Variants in SHOC2 observed in about 807,000 individuals in gnomAD.
SHOC2 encodes the protein SHOC2 leucine rich repeat scaffold protein, also known as leucine-rich repeat protein SHOC-2.
Under a neutral mutation model 50.2 loss-of-function variants are expected in SHOC2, and 4 were observed. The ratio of observed to expected loss-of-function variants is 0.08; its 90% CI spans 0.04 to 0.18. The LOEUF is 0.18. Among genes scored for constraint, SHOC2 ranks in the 10% least tolerant of loss-of-function variants. The pLI is 1.00. For missense variants in SHOC2, 388 were observed against 669.6 expected (o/e 0.58, Z 4.64); for synonymous variants, 218 against 244.5 (o/e 0.89, Z 1.01).
At chr10:110,982,683 G>A (rs1848005624) in intron 2 of SHOC2, among the ~76,000 whole-genome samples, 2 of 151,886 alleles carry the variant, frequency 1.3e-5, no homozygotes, top group Non-Finnish European at 2.9e-5. Flanking sequence ...CATGTCCTTT[G>A]CCCACTTTTT....
At chr10:110,925,479 G>A (rs1846751717) in intron 1 of SHOC2, among the ~76,000 whole-genome samples, 1 of 152,044 alleles carries the variant, frequency 6.6e-6, no homozygotes, top group Admixed American at 6.6e-5. Flanking sequence ...TTTCAAGACA[G>A]GGTCTCGCTC....
intron 1 of SHOC2, among the ~76,000 whole-genome samples, chr10:110,949,191 A>G (rs2134101043): frequency 6.6e-6 from 1 of 152,288 alleles, no homozygotes; most frequent in East Asian, 1.9e-4. Flanking sequence ...AAGAAACTGA[A>G]CTGACAAATC....
At position 110,942,115 on chromosome 10, in the gene SHOC2, C is replaced by T. The variant is rs1438615566; in HGVS notation, c.-234-22010C>T. Among the ~76,000 whole-genome samples, 5 of 120,448 alleles carry T rather than the reference C, an allele frequency of 4.2e-5. No individual in the cohort carries two copies. In the Admixed American group the frequency reaches 4.9e-4, roughly 12 times the overall value. 79.0% of individuals were successfully genotyped at this position (120,448 alleles called of 152,430 possible). On this transcript the variant is annotated intron_variant, in intron 1 of 8. Transcript: ENST00000369452. Reference sequence around the variant, plus strand: ...TCTTTACCCACGTGTGATTTTGATTCATCATACATTGGTCTTCTGGCTCTT... The same window carrying T: ...TCTTTACCCACGTGTGATTTTGATTTATCATACATTGGTCTTCTGGCTCTT...
At chr10:110,978,938 G>C (rs1444822732) in intron 2 of SHOC2, among the ~76,000 whole-genome samples, 1 of 152,206 alleles carries the variant, frequency 6.6e-6, no homozygotes, top group Non-Finnish European at 1.5e-5. Flanking sequence ...TAAATCTCAT[G>C]TGATTGCTGT....
chr10:110,931,617 T>C (rs1244775452), intron 1 of SHOC2, among the ~76,000 whole-genome samples: 2 of 152,104 alleles, frequency 1.3e-5, no homozygotes, highest in Non-Finnish European at 2.9e-5. Context: ...TAATTTTAAG[T>C]AGGATATAGG....
At chr10:110,983,202 A>C (rs1848015317) in intron 2 of SHOC2, among the ~76,000 whole-genome samples, 1 of 152,082 alleles carries the variant, frequency 6.6e-6, no homozygotes, top group Non-Finnish European at 1.5e-5. Context: ...TATTTGAAAT[A>C]TGTGCCTTCT....
chr10:110,940,910 G>GGTTTTTTTTTTTTTTTTTTTTTT (rs1564705752), intron 1 of SHOC2, among the ~76,000 whole-genome samples: 2 of 119,504 alleles, frequency 1.7e-5, no homozygotes, highest in African/African-American at 6.4e-5. Flanking sequence ...TTTGTGGTGG[G>GGTTTTTTTTTTTTTTTTTTTTTT]TTTTTTTTTT....
chr10:110,929,151 A>G (rs998910726), intron 1 of SHOC2, among the ~76,000 whole-genome samples: 2 of 152,214 alleles, frequency 1.3e-5, no homozygotes, highest in Admixed American at 6.5e-5. Context: ...TCATATTCAA[A>G]TTCTTTGAAA....
intron 3 of SHOC2, among the ~76,000 whole-genome samples, chr10:110,998,321 A>G (rs1848306453): frequency 6.6e-6 from 1 of 151,900 alleles, no homozygotes; most frequent in African/African-American, 2.4e-5. Context: ...AGCAATAGTG[A>G]ATATTCTCGT....
chr10:110,988,495 A>G (rs946575844), intron 3 of SHOC2, among the ~76,000 whole-genome samples: 1 of 152,264 alleles, frequency 6.6e-6, no homozygotes, highest in East Asian at 1.9e-4. Flanking sequence ...TAAGTTGTTC[A>G]TAACATTCTT....
intron 1 of SHOC2, among the ~76,000 whole-genome samples, chr10:110,934,959 T>G (rs1393893152): frequency 9.2e-5 from 14 of 152,230 alleles, no homozygotes; most frequent in Non-Finnish European, 1.8e-4. Flanking sequence ...CTACCCAGTT[T>G]CTGCTCCTGG....
chr10:111,007,729 A>G, intron 6 of SHOC2, 76 bp downstream of exon 6: 2 of 1,425,242 alleles, frequency 1.4e-6, no homozygotes, highest in Non-Finnish European at 2.0e-6. Flanking sequence ...AATTTAAATA[A>G]GCAATTTCTA....
At chr10:110,952,568 T>C (rs1484707084) in intron 1 of SHOC2, among the ~76,000 whole-genome samples, 1 of 152,092 alleles carries the variant, frequency 6.6e-6, no homozygotes, top group Non-Finnish European at 1.5e-5. Context: ...TAAGTTTACT[T>C]TAAGTTCCAG....
At position 110,932,202 on chromosome 10, in the gene SHOC2, A is replaced by G. The variant is rs1003593676; in HGVS notation, c.-235+12545A>G. Among the ~76,000 whole-genome samples, 7 of 152,356 alleles carry G rather than the reference A, an allele frequency of 4.6e-5. No homozygotes were observed. The East Asian group carries it at 9.6e-4, about 21-fold the overall frequency. On this transcript the variant is annotated intron_variant, in intron 1 of 8. Coordinates refer to ENST00000369452, the MANE Select transcript of SHOC2 (RefSeq NM_007373.4). Reference sequence around the variant, plus strand: ...GGATGTGAAAGAAGTTCATGTGACCATAGTGCAAGATGGGAAGTATTAGAG... The same window carrying G: ...GGATGTGAAAGAAGTTCATGTGACCGTAGTGCAAGATGGGAAGTATTAGAG...
intron 1 of SHOC2, among the ~76,000 whole-genome samples, chr10:110,931,399 G>A (rs1846894047): frequency 6.6e-6 from 1 of 151,996 alleles, no homozygotes; most frequent in Non-Finnish European, 1.5e-5. Flanking sequence ...CTCATTCTTT[G>A]GACCAATCTT....
At chr10:110,922,886 A>G (rs1362897827) in intron 1 of SHOC2, among the ~76,000 whole-genome samples, 1 of 152,106 alleles carries the variant, frequency 6.6e-6, no homozygotes, top group Non-Finnish European at 1.5e-5. Flanking sequence ...GGAAACTGTA[A>G]TTTATCAGTA....
In SHOC2 at chr10:110,964,638, C is replaced by T. The variant is rs775963559; in HGVS notation, c.280C>T (p.Leu94Phe). 1 of 1,614,080 alleles carries T rather than the reference C, an allele frequency of 6.2e-7. No homozygotes were observed. Among genetic ancestry groups the T allele is most frequent in the South Asian group, 1.1e-5 (1 of 91,086 alleles). The stretch of plus-strand genomic sequence containing the variant: ...CAGCAATGCAGAGGTGATTAAAGAG[C>T]TCAACAAATGCCGGGAAGAGAATTC... Reference protein sequence around the residue: ...KSSNAEVIKELNKCREENSMR... With the variant: ...KSSNAEVIKEFNKCREENSMR... Residue 94 changes from leucine to phenylalanine, a missense_variant, in exon 2 of 9, where the codon CTC becomes TTC. This residue lies in a region of SHOC2 where 121 missense variants were observed against 145.5 expected (regional missense o/e 0.83). Transcript: ENST00000369452. This position sits in a 1 kb window ranked among gnomAD's most constrained non-coding sequence, Gnocchi z 4.9.
intron 1 of SHOC2, among the ~76,000 whole-genome samples, chr10:110,960,398 T>TAG (rs1162240444): frequency 1.3e-5 from 2 of 152,192 alleles, no homozygotes; most frequent in Non-Finnish European, 2.9e-5. Flanking sequence ...ACCACCGTCA[T>TAG]ATAGTCATGA....
chr10:110,979,720 A>T (rs1847938840), intron 2 of SHOC2, among the ~76,000 whole-genome samples: 1 of 152,184 alleles, frequency 6.6e-6, no homozygotes, highest in African/African-American at 2.4e-5. Flanking sequence ...CCCCATAGTT[A>T]GCCACTAAAT....
Sources: allele counts gnomAD v4.1 joint callset (sites outside exome capture counted in the v4.1 genomes callset), GRCh38; gene constraint gnomAD v4.1.1; regional missense constraint gnomAD v4.1.1; non-coding constraint Gnocchi (gnomAD v3.1); transcripts MANE v1.5; gene names NCBI Gene and HGNC (gene_info 2026-07-23, HGNC 2026-07-21).